The following CYP4X1 variants were observed in gnomAD, a reference collection of about 807,000 sequenced individuals.
The protein encoded by CYP4X1 is cytochrome P450 family 4 subfamily X member 1.
In CYP4X1, 44 loss-of-function variants were observed where a neutral mutation model predicts 57.9. The observed-to-expected ratio is 0.76, with a 90% confidence interval of 0.60 to 0.98. CYP4X1 has a LOEUF of 0.98. CYP4X1 is among the 50% of genes least tolerant of loss of function. CYP4X1 has a pLI of 0.00. For missense variants in CYP4X1, 532 were observed against 623.9 expected (o/e 0.85, Z 1.57); for synonymous variants, 227 against 228.6 (o/e 0.99, Z 0.06).
chr1:47,024,037 A>T, intron 1 of CYP4X1, 43 bp downstream of exon 1: 1 of 1,577,852 alleles, frequency 6.3e-7, no homozygotes, highest in Non-Finnish European at 8.6e-7. Context: ...GGAGGGGCGG[A>T]GGAGGATGCG....
intron 3 of CYP4X1, 139 bp downstream of exon 3, chr1:47,031,619 G>A: frequency 1.1e-6 from 1 of 912,494 alleles, no homozygotes. Flanking sequence ...GTTATCTAGG[G>A]GAAAGATTGA....
chr1:47,049,864 G>A, intron 11 of CYP4X1, 136 bp from the exon 12 acceptor site: 1 of 972,468 alleles, frequency 1.0e-6, no homozygotes, highest in Non-Finnish European at 1.5e-6. Flanking sequence ...TAAGTCTAAA[G>A]TTCAAAAGTT....
At chr1:46,993,805 A>T in the CYP4X1 span, among the ~76,000 whole-genome samples, 26 of 151,530 alleles carry the variant, frequency 1.7e-4, no homozygotes, top group African/African-American at 2.4e-5. Flanking sequence ...AATTTGTTTG[A>T]GTTCTTTGTA....
At chr1:47,016,141 T>G in the CYP4X1 span, among the ~76,000 whole-genome samples, 26 of 152,190 alleles carry the variant, frequency 1.7e-4, 1 homozygote, top group South Asian at 4.2e-4. Context: ...ACCCCTGGTA[T>G]GTCTCCTTAG....
At chr1:46,974,803 T>A in the CYP4X1 span, among the ~76,000 whole-genome samples, 1 of 152,176 alleles carries the variant, frequency 6.6e-6, no homozygotes, top group Non-Finnish European at 1.5e-5. Context: ...CTCCATCCCT[T>A]TTCTTTGAGC....
At position 47,029,996 on chromosome 1, in the gene CYP4X1, C is replaced by T; in HGVS notation, c.184C>T (p.Gln62Ter). ...HWFLGHQKFI[Q>*]DDNMEKLEEI... ...TTTACTTTTTTCACTGCAGTTTATT[C>T]AGGATGATAACATGGAGAAGCTTGA... Residue 62 changes from glutamine to a stop codon, truncating the protein, a stop_gained, in exon 2 of 12, where the codon CAG becomes TAG. Transcript: ENST00000371901. LOFTEE classifies it high-confidence loss of function. The T allele has an allele frequency of 6.2e-7, 1 of 1,613,858 alleles. No individual in the cohort carries two copies. Among genetic ancestry groups the T allele is most frequent in the Non-Finnish European group, 8.5e-7 (1 of 1,179,886 alleles).
chr1:46,970,554 A>C, the CYP4X1 span, among the ~76,000 whole-genome samples: 1 of 152,144 alleles, frequency 6.6e-6, no homozygotes, highest in Admixed American at 6.5e-5. Context: ...TTAAAGAAAA[A>C]TTTTGCTTGC....
the CYP4X1 span, among the ~76,000 whole-genome samples, chr1:46,963,002 T>C: frequency 2.6e-5 from 4 of 152,258 alleles, no homozygotes; most frequent in South Asian, 8.3e-4. Context: ...TTTACCATTA[T>C]ATAATGGCCT....
At chr1:47,015,878 C>G in the CYP4X1 span, among the ~76,000 whole-genome samples, 4 of 152,162 alleles carry the variant, frequency 2.6e-5, no homozygotes, top group African/African-American at 9.7e-5. Flanking sequence ...CTTACTGCCC[C>G]TCTCTTAGAA....
chr1:46,984,808 C>G, the CYP4X1 span, among the ~76,000 whole-genome samples: 2 of 152,180 alleles, frequency 1.3e-5, no homozygotes, highest in African/African-American at 2.4e-5. Context: ...AAGATAGCTG[C>G]AGGAGTTTTT....
the CYP4X1 span, among the ~76,000 whole-genome samples, chr1:46,969,220 C>T: frequency 2.0e-5 from 3 of 152,220 alleles, no homozygotes; most frequent in African/African-American, 7.2e-5. Flanking sequence ...CACCACGTGA[C>T]ATGCTGGCTC....
upstream of CYP4X1, among the ~76,000 whole-genome samples, chr1:47,019,056 C>T (rs1827474): frequency 0.4 from 60,944 of 152,014 alleles, 13,026 homozygotes; most frequent in East Asian, 0.87. Flanking sequence ...GAGAATATCA[C>T]CAAACTCAAA....
chr1:47,046,642 G>A, intron 9 of CYP4X1, 42 bp downstream of exon 9: 2 of 1,613,330 alleles, frequency 1.2e-6, no homozygotes, highest in Non-Finnish European at 1.7e-6. Flanking sequence ...GAGGCTATGG[G>A]ATCCTGGAGA....
At chr1:46,991,108 T>C in the CYP4X1 span, among the ~76,000 whole-genome samples, 3 of 151,544 alleles carry the variant, frequency 2.0e-5, no homozygotes, top group Non-Finnish European at 4.4e-5. Flanking sequence ...CAATCAGCAC[T>C]GGATTCACAG....
At chr1:47,030,159 C>T in intron 2 of CYP4X1, 28 bp downstream of exon 2, 1 of 1,587,486 alleles carries the variant, frequency 6.3e-7, no homozygotes, top group Non-Finnish European at 8.6e-7. Flanking sequence ...GCTCTGGGAC[C>T]TATTCCTCCT....
rs1264371153 is a variant in CYP4X1, at chr1:47,038,777, T to C, written c.882+11T>C. 2 of 1,605,406 alleles carry C rather than the reference T, an allele frequency of 1.2e-6. No individual in the cohort carries two copies. The highest frequency in any genetic ancestry group is 1.7e-6 in the Non-Finnish European group (2 of 1,175,894). On this transcript the variant is annotated intron_variant, in intron 7 of 11. Coordinates refer to ENST00000371901, the MANE Select transcript of CYP4X1 (RefSeq NM_178033.2). ...GTCCTTTCTGCCAAGGTAAATCTTC[T>C]AAATTTCTAAGCCTGCTCAAGTGAC...
At chr1:47,049,587 A>G in intron 11 of CYP4X1, 83 bp downstream of exon 11, 1 of 1,234,408 alleles carries the variant, frequency 8.1e-7, no homozygotes, top group Non-Finnish European at 1.2e-6. Flanking sequence ...TCAGCTCTAT[A>G]CATTCTTCCA....
chr1:47,013,038 G>T, the CYP4X1 span, among the ~76,000 whole-genome samples: 1 of 151,954 alleles, frequency 6.6e-6, no homozygotes, highest in African/African-American at 2.4e-5. Context: ...TTCACTCTAG[G>T]GGAAAGGTCA....
intron 2 of CYP4X1, 69 bp from the exon 3 acceptor site, chr1:47,031,367 C>T (rs1644121898): frequency 5.7e-6 from 9 of 1,569,628 alleles, no homozygotes; most frequent in Non-Finnish European, 7.0e-6. Context: ...AGAAAACCGT[C>T]ACCAACTTGA....
Sources: allele counts gnomAD v4.1 joint callset (sites outside exome capture counted in the v4.1 genomes callset), GRCh38; gene constraint gnomAD v4.1.1; transcripts MANE v1.5; gene names NCBI Gene and HGNC (gene_info 2026-07-23, HGNC 2026-07-21).